Variants in CBR1 observed in about 807,000 individuals in gnomAD.
CBR1 encodes carbonyl reductase 1, also known as carbonyl reductase [NADPH] 1.
A neutral mutation model predicts 10.6 loss-of-function variants in CBR1; 11 were observed. The observed-to-expected ratio is 1.03, with a 90% CI of 0.65 to 1.71. CBR1 has a LOEUF of 1.71. CBR1 is among the 40% of genes most tolerant of loss of function. CBR1 has a pLI of 0.00. For missense variants in CBR1, 361 were observed against 368.6 expected (o/e 0.98, Z 0.17); for synonymous variants, 158 against 156.7 (o/e 1.01, Z -0.06).
At chr21:36,070,486 C>A (rs755404701) in intron 1 of CBR1, 82 bp downstream of exon 1, 52 of 1,386,842 alleles carry the variant, frequency 3.7e-5, no homozygotes, top group Non-Finnish European at 5.0e-5. Context: ...TAACGCCTCC[C>A]TAGGGAGGAG....
At chr21:36,070,468 G>C in intron 1 of CBR1, 64 bp downstream of exon 1, 1 of 1,497,126 alleles carries the variant, frequency 6.7e-7, no homozygotes, top group Admixed American at 2.1e-5. Context: ...TGGCGTCTGC[G>C]GGGTCCATAA....
intron 2 of CBR1, chr21:36,072,120 G>A (rs768389996): frequency 3.5e-5 from 53 of 1,522,460 alleles, no homozygotes; most frequent in Non-Finnish European, 4.3e-5. Flanking sequence ...GTACTTGCAT[G>A]TACAGCTTAC....
chr21:36,071,519 T>C (rs984933087), intron 2 of CBR1: 39 of 558,106 alleles, frequency 7.0e-5, no homozygotes, highest in Middle Eastern at 4.6e-4. Context: ...TCTTGCTGCC[T>C]TTCCATCTCT....
chr21:36,072,580 G>A lies in CBR1; in HGVS notation c.532G>A (p.Asp178Asn), dbSNP rs757208303. 33 of 1,601,786 alleles carry A rather than the reference G, an allele frequency of 2.1e-5. No homozygotes were observed. The highest frequency in any genetic ancestry group is 2.6e-5 in the Non-Finnish European group (31 of 1,174,312). The stretch of plus-strand genomic sequence containing the variant: ...GGGGCTCATGAACAAGTTTGTGGAG[G>A]ATACAAAGAAGGGAGTGCACCAGAA... ...LVGLMNKFVE[D>N]TKKGVHQKEG... Residue 178 changes from aspartate to asparagine, a missense_variant, in exon 3 of 3, where the codon GAT (aspartate) becomes AAT (asparagine). By Grantham distance (23) the Asp-to-Asn change is conservative. Transcript: ENST00000290349.
rs934048386 is a variant in CBR1, at chr21:36,073,132, A to C, written c.*250A>C. On this transcript the variant is annotated 3_prime_UTR_variant, in exon 3 of 3. Coordinates refer to ENST00000290349, the MANE Select transcript of CBR1 (RefSeq NM_001757.4). ...TAATTGATGAAAATAATGAATGAAA[A>C]TCAACAGATGAATAAATGGTTCTTT... 1 of 391,174 alleles carries C rather than the reference A, an allele frequency of 2.6e-6. No homozygotes were observed. 24.2% of individuals were successfully genotyped at this position (391,174 alleles called of 1,614,324 possible).
chr21:36,070,911 G>A, intron 1 of CBR1, 39 bp from the exon 2 acceptor site: 1 of 1,266,092 alleles, frequency 7.9e-7, no homozygotes, highest in Admixed American at 1.7e-5. Flanking sequence ...TACCCCATGG[G>A]TACAATGTAT....
chr21:36,072,526 A>C lies in CBR1; in HGVS notation c.478A>C (p.Ser160Arg). 6.2e-7 allele frequency: 1 copy of C among 1,606,140 alleles called. No homozygotes were observed. ...CCCAGAGCTGCAGCAGAAGTTCCGCAGTGAGACCATCACTGAGGAGGAGCT... is the reference window on the plus strand; with the variant it reads ...CCCAGAGCTGCAGCAGAAGTTCCGCCGTGAGACCATCACTGAGGAGGAGCT... ...CSPELQQKFR[S>R]ETITEEELVG... is the part of the protein sequence containing the mutation. The change falls in exon 3 of 3, where the codon AGT (serine) becomes CGT (arginine). Residue 160 changes from serine to arginine, a missense_variant. Transcript: ENST00000290349.
intron 2 of CBR1, chr21:36,071,524 A>T: frequency 1.8e-6 from 1 of 553,884 alleles, no homozygotes; most frequent in Non-Finnish European, 3.2e-6. Context: ...CTGCCTTTCC[A>T]TCTCTTCCTG....
chr21:36,072,093 G>T, intron 2 of CBR1: 1 of 1,492,900 alleles, frequency 6.7e-7, no homozygotes. Context: ...AAATTTAAAT[G>T]TGTGGCTTCG....
rs1332918930 is a variant in CBR1, at chr21:36,070,370, C to A, written c.255C>A (p.Asp85Glu). 6.2e-7 allele frequency: 1 copy of A among 1,610,868 alleles called. No individual in the cohort carries two copies. Among genetic ancestry groups the A allele is most frequent in the South Asian group, 1.1e-5 (1 of 90,920 alleles). Residue 85 changes from aspartate (D) to glutamate (E), a missense_variant, in exon 1 of 3, where the codon GAC becomes GAA. By Grantham distance (45) the Asp-to-Glu change is conservative (BLOSUM62 2). Transcript: ENST00000290349. ...DFLRKEYGGL[D>E]VLVNNAGIAF... ...TGCGCAAGGAGTACGGGGGCCTGGA[C>A]GTGCTGGTCAACAACGCGGGCATCG...
rs557925178 is a variant in CBR1, at chr21:36,072,553, G to C, written c.505G>C (p.Val169Leu). 3.9e-5 allele frequency: 62 copies of C among 1,601,072 alleles called. No homozygotes were observed. The Middle Eastern group carries it at 3.2e-3, about 82-fold the overall frequency. Residue 169 changes from valine to leucine, a missense_variant, in exon 3 of 3, where the codon GTG becomes CTG. Coordinates refer to ENST00000290349, the MANE Select transcript of CBR1 (RefSeq NM_001757.4). ...RSETITEEELVGLMNKFVEDT... is the reference protein window; with the variant it reads ...RSETITEEELLGLMNKFVEDT... Reference sequence around the variant, plus strand: ...TGAGACCATCACTGAGGAGGAGCTGGTGGGGCTCATGAACAAGTTTGTGGA... The same window carrying C: ...TGAGACCATCACTGAGGAGGAGCTGCTGGGGCTCATGAACAAGTTTGTGGA...
chr21:36,071,911 G>A (rs1325033225), intron 2 of CBR1: 1 of 1,536,022 alleles, frequency 6.5e-7, no homozygotes, highest in South Asian at 1.2e-5. Context: ...TCCATAATCT[G>A]CCGCTGCTTA....
chr21:36,071,672 G>A, intron 2 of CBR1: 1 of 636,966 alleles, frequency 1.6e-6, no homozygotes, highest in Non-Finnish European at 2.8e-6. Flanking sequence ...CATTTACTAG[G>A]TCCTAGGAGT....
chr21:36,073,087 A>G lies in CBR1; in HGVS notation c.*205A>G, dbSNP rs2065366098. The G allele has an allele frequency of 4.5e-6, 2 of 439,926 alleles. No individual in the cohort carries two copies. Among genetic ancestry groups the G allele is most frequent in the South Asian group, 1.2e-4 (2 of 16,132 alleles). The allele number at this position is 439,926 out of a possible 1,614,324, so 27.3% of individuals were successfully genotyped here. A position where few individuals can be genotyped will look rare whatever the true frequency, so the allele number is the denominator to read the frequency against. Reference sequence around the variant, plus strand: ...GTCAGGTCTTTTGTGATTTCCTCTGATGCAGGAGAGGAAAAATTGTAATTG... The same window carrying G: ...GTCAGGTCTTTTGTGATTTCCTCTGGTGCAGGAGAGGAAAAATTGTAATTG... On this transcript the variant is annotated 3_prime_UTR_variant, in exon 3 of 3. Transcript: ENST00000290349.
chr21:36,071,480 C>A (rs572763511), intron 2 of CBR1: 9 of 570,174 alleles, frequency 1.6e-5, no homozygotes, highest in African/African-American at 1.1e-4. Flanking sequence ...CTGTCTGAAA[C>A]ACTCCTTAAG....
Position 36,071,067 on chromosome 21 carries a change from A to T in CBR1, c.397+10A>T. ...CTAATAAAACCCCAAGGTGAGTCTG[A>T]TGGGAAACAGCGCACCTTCTCTTTG... On this transcript the variant is annotated intron_variant, in intron 2 of 2. Transcript: ENST00000290349. The T allele has an allele frequency of 6.4e-7, 1 of 1,553,978 alleles. No homozygotes were observed. Among genetic ancestry groups the T allele is most frequent in the Non-Finnish European group, 8.9e-7 (1 of 1,125,192 alleles).
At position 36,072,945 on chromosome 21, in the gene CBR1, G is replaced by C; in HGVS notation, c.*63G>C. The C allele has an allele frequency of 8.6e-7, 1 of 1,158,946 alleles. No homozygotes were observed. Among genetic ancestry groups the C allele is most frequent in the Non-Finnish European group, 1.2e-6 (1 of 813,638 alleles). 71.8% of individuals were successfully genotyped at this position (1,158,946 alleles called of 1,614,324 possible). A position where few individuals can be genotyped will look rare whatever the true frequency, so the allele number is the denominator to read the frequency against. ...ACCTTGTCCTGAGTTGGTCCAAAGG[G>C]CATTTACAATGTCATAAATATCCTT... On this transcript the variant is annotated 3_prime_UTR_variant, in exon 3 of 3. Coordinates refer to ENST00000290349, the MANE Select transcript of CBR1 (RefSeq NM_001757.4).
chr21:36,071,292 A>C (rs981494506), intron 2 of CBR1: 1 of 666,830 alleles, frequency 1.5e-6, no homozygotes, highest in Non-Finnish European at 2.7e-6. Flanking sequence ...CACCTGGCTG[A>C]CTCTCATCCT....
At chr21:36,070,853 G>GTTTTTGTTTTTTTTTTTTTTTTT (rs1568956922) in intron 1 of CBR1, 97 bp from the exon 2 acceptor site, 3 of 509,450 alleles carry the variant, frequency 5.9e-6, no homozygotes, top group African/African-American at 3.9e-5. Flanking sequence ...AGGGCACTAA[G>GTTTTTGTTTTTTTTTTTTTTTTT]TTTTTTTTTT....
Sources: gnomAD v4.1 joint callset for allele counts on GRCh38, gnomAD v4.1.1 for gene constraint, MANE v1.5 for transcripts, NCBI Gene and HGNC (gene_info 2026-07-23, HGNC 2026-07-21) for gene names.